ME3: variants seen among roughly 807,000 people sequenced by gnomAD.
The protein encoded by ME3 is malic enzyme 3, also known as NADP-dependent malic enzyme, mitochondrial.
Under a neutral mutation model 68.9 loss-of-function variants are expected in ME3, and 48 were observed. The observed-to-expected ratio is 0.70, with a 90% CI of 0.55 to 0.89. ME3 has a LOEUF of 0.89. ME3 is among the 40% of genes least tolerant of loss of function. The pLI, the probability that ME3 is intolerant of heterozygous loss-of-function variation, is 0.00. For missense variants in ME3, 675 were observed against 797.4 expected, an observed-to-expected ratio of 0.85 and a Z score of 1.85; for synonymous variants, 320 against 318.8, an observed-to-expected ratio of 1.00 and a Z score of -0.04.
At position 86,525,172 on chromosome 11, in the gene ME3, T is replaced by A. The variant is rs903155227; in HGVS notation, c.468-16305A>T. On this transcript the variant is annotated intron_variant, in intron 4 of 14. Transcript: ENST00000543262. ...AGTGACCTTGACAAATGACTACAGTTGAGCCTCAGTTTTCTCATCTGTAAA... is the reference window on the plus strand; with the variant it reads ...AGTGACCTTGACAAATGACTACAGTAGAGCCTCAGTTTTCTCATCTGTAAA... Among the ~76,000 whole-genome samples the A allele has an allele frequency of 1.7e-4, 26 of 152,198 alleles. 1 individual carries two copies. The highest frequency in any genetic ancestry group is 3.4e-4 in the Non-Finnish European group (23 of 68,030).
At chr11:86,554,590 A>G (rs1359068508) in intron 4 of ME3, among the ~76,000 whole-genome samples, 2 of 152,224 alleles carry the variant, frequency 1.3e-5, no homozygotes, top group African/African-American at 4.8e-5. Flanking sequence ...ATTTTATGCC[A>G]GGTACCTGAT....
chr11:86,639,944 A>C (rs1944564674), intron 2 of ME3, among the ~76,000 whole-genome samples: 1 of 152,184 alleles, frequency 6.6e-6, no homozygotes, highest in East Asian at 1.9e-4. Context: ...GCTGATGGGA[A>C]TCAAAGCCCA....
At chr11:86,440,868 C>T (rs1209327116), downstream of ME3, among the ~76,000 whole-genome samples, 3 of 152,188 alleles carry the variant, frequency 2.0e-5, no homozygotes, top group East Asian at 3.8e-4. Flanking sequence ...GAAGTATCCT[C>T]TCCCTTTTCT....
At chr11:86,509,703 A>G (rs890462638) in intron 4 of ME3, among the ~76,000 whole-genome samples, 2 of 151,698 alleles carry the variant, frequency 1.3e-5, no homozygotes, top group African/African-American at 4.9e-5. Flanking sequence ...AAACTCCCCA[A>G]TCTACCCAAA....
At chr11:86,487,414 G>A (rs766662424) in exon 7 of ME3, 54 of 1,613,794 alleles carry the variant, frequency 3.3e-5, no homozygotes, top group African/African-American at 5.3e-5. Context: ...GTTTCAGGCC[G>A]ATGTACAGAG....
At chr11:86,651,978 G>A (rs1302325441) in intron 2 of ME3, among the ~76,000 whole-genome samples, 1 of 152,170 alleles carries the variant, frequency 6.6e-6, no homozygotes, top group African/African-American at 2.4e-5. Context: ...TCGATCAACT[G>A]GAAGAAAGGG....
At chr11:86,543,699 A>G (rs1956189221) in intron 4 of ME3, among the ~76,000 whole-genome samples, 1 of 152,226 alleles carries the variant, frequency 6.6e-6, no homozygotes, top group Non-Finnish European at 1.5e-5. Context: ...CCCACACAAG[A>G]ACAGCGGGAG....
chr11:86,582,135 C>T (rs897764946), intron 2 of ME3, among the ~76,000 whole-genome samples: 4 of 152,234 alleles, frequency 2.6e-5, no homozygotes, highest in African/African-American at 9.6e-5. Context: ...TTGGCTTTGC[C>T]ACCAGCCACT....
intron 8 of ME3, among the ~76,000 whole-genome samples, chr11:86,459,410 T>C (rs917750512): frequency 6.6e-6 from 1 of 152,192 alleles, no homozygotes; most frequent in Non-Finnish European, 1.5e-5. Context: ...CACGAGCCTA[T>C]TAGGCATCAG....
At chr11:86,526,005 G>A (rs932639511) in intron 4 of ME3, among the ~76,000 whole-genome samples, 9 of 152,214 alleles carry the variant, frequency 5.9e-5, no homozygotes, top group Admixed American at 3.3e-4. Context: ...TCACTGGGGA[G>A]TGTCAGAAAG....
exon 14 of ME3, chr11:86,442,837 A>G: frequency 6.2e-7 from 1 of 1,611,732 alleles, no homozygotes; most frequent in South Asian, 1.1e-5. Context: ...GGCAATTCTC[A>G]AAGACACGTC....
At chr11:86,583,471 A>C (rs1164816988) in intron 2 of ME3, among the ~76,000 whole-genome samples, 1 of 152,186 alleles carries the variant, frequency 6.6e-6, no homozygotes, top group African/African-American at 2.4e-5. Context: ...TTGTATAATG[A>C]AGTATGTCTG....
chr11:86,503,401 C>T (rs1254506995), intron 5 of ME3, among the ~76,000 whole-genome samples: 2 of 152,206 alleles, frequency 1.3e-5, no homozygotes, highest in Non-Finnish European at 2.9e-5. Flanking sequence ...GCCACACCTC[C>T]TTCCAAGGGC....
At chr11:86,578,124 A>G (rs1958222377) in intron 2 of ME3, among the ~76,000 whole-genome samples, 1 of 152,156 alleles carries the variant, frequency 6.6e-6, no homozygotes, top group South Asian at 2.1e-4. Context: ...ATAGTTGGAA[A>G]GATTATGAAT....
At chr11:86,516,385 A>G (rs9705154) in intron 4 of ME3, among the ~76,000 whole-genome samples, 2,382 of 89,896 alleles carry the variant, frequency 0.026, 64 homozygotes, top group African/African-American at 0.11. Flanking sequence ...GTGTGTGTGT[A>G]TATATATATA....
intron 2 of ME3, among the ~76,000 whole-genome samples, chr11:86,648,638 T>C (rs1026568960): frequency 6.6e-6 from 1 of 152,052 alleles, no homozygotes; most frequent in African/African-American, 2.4e-5. Context: ...TAATAAAAAA[T>C]GATAAAGGGG....
chr11:86,531,005 A>C (rs1293427092), intron 4 of ME3, among the ~76,000 whole-genome samples: 3 of 152,110 alleles, frequency 2.0e-5, no homozygotes, highest in Admixed American at 1.3e-4. Context: ...AATGGGATCT[A>C]ATTAAACTAA....
At chr11:86,594,998 A>G (rs1315880972) in intron 2 of ME3, among the ~76,000 whole-genome samples, 3 of 145,228 alleles carry the variant, frequency 2.1e-5, no homozygotes, top group Admixed American at 7.4e-5. Context: ...CAGGGGTGGT[A>G]AGGTCAGATT....
chr11:86,519,592 G>T (rs147501832), intron 4 of ME3, among the ~76,000 whole-genome samples: 2 of 152,316 alleles, frequency 1.3e-5, no homozygotes, highest in African/African-American at 4.8e-5. Flanking sequence ...TCAGGAGGAG[G>T]GATATGCACT....
Sources: allele counts gnomAD v4.1 joint callset (sites outside exome capture counted in the v4.1 genomes callset), GRCh38; gene constraint gnomAD v4.1.1; transcripts MANE v1.5; gene names NCBI Gene and HGNC (gene_info 2026-07-23, HGNC 2026-07-21).